EPAS1: variants seen among roughly 807,000 people sequenced by gnomAD.
The protein encoded by EPAS1 is endothelial PAS domain protein 1, also known as endothelial PAS domain-containing protein 1.
A neutral mutation model predicts 87.9 loss-of-function variants in EPAS1; 23 were observed. The ratio of observed to expected loss-of-function variants is 0.26; its 90% confidence interval spans 0.19 to 0.37. The LOEUF is 0.37. EPAS1 is among the 10% of genes least tolerant of loss of function. The pLI is 1.00. For synonymous variants in EPAS1, 508 were observed against 444.3 expected, an observed-to-expected ratio of 1.14 and a Z score of -1.80; for missense variants, 1,138 against 1,120.7, an observed-to-expected ratio of 1.02 and a Z score of -0.22.
At chr2:46,381,405 T>C (rs1572649860) in intron 12 of EPAS1, 191 bp from the exon 13 acceptor site, 1 of 833,098 alleles carries the variant, frequency 1.2e-6, no homozygotes, top group Non-Finnish European at 1.9e-6. Context: ...TTCAGCATCT[T>C]ATAGCTGAGG....
chr2:46,381,612 G>T lies in EPAS1; in HGVS notation c.2062G>T (p.Gly688Trp). 3.1e-6 allele frequency: 5 copies of T among 1,613,984 alleles called. No individual in the cohort carries two copies. The highest frequency in any genetic ancestry group is 4.2e-6 in the Non-Finnish European group (5 of 1,180,024). ...GCTTGGCAGGTCTGCAAAGGGTTTT[G>T]GGGCTCGAGGCCCAGACGTGCTGAG... ...TFKTRSAKGFGARGPDVLSPA... is the reference protein window; with the variant it reads ...TFKTRSAKGFWARGPDVLSPA... The change falls in exon 13 of 16, where the codon GGG (glycine) becomes TGG (tryptophan). Residue 688 changes from glycine (G) to tryptophan (W), a missense_variant. By Grantham distance (184) the Gly-to-Trp change is radical (BLOSUM62 -2). This residue lies in a region of EPAS1 where 502 missense variants were observed against 427.1 expected (regional missense o/e 1.18). Coordinates refer to ENST00000263734, the MANE Select transcript of EPAS1 (RefSeq NM_001430.5).
In EPAS1 at chr2:46,371,093, C is replaced by A. The variant is rs551998770; in HGVS notation, c.886+1160C>A. 6.6e-6 allele frequency among the ~76,000 whole-genome samples: 1 copy of A among 152,130 alleles called. No individual in the cohort carries two copies. The highest frequency in any genetic ancestry group is 2.4e-5 in the African/African-American group (1 of 41,416). ...GTATTTGGAAAAGAATGCTTCAAAA[C>A]GAGTGCCCACAGTGGTGCAGACAGT... is the stretch of plus-strand genomic sequence containing the variant. On this transcript the variant is annotated intron_variant, in intron 7 of 15. Transcript: ENST00000263734. This position sits in a 1 kb window ranked among gnomAD's most constrained non-coding sequence, Gnocchi z 4.3.
chr2:46,368,714 A>G (rs986995231), intron 6 of EPAS1, among the ~76,000 whole-genome samples: 3 of 152,158 alleles, frequency 2.0e-5, no homozygotes, highest in African/African-American at 7.2e-5. Flanking sequence ...TGTATCCAGG[A>G]GTCATGCCTT....
At chr2:46,337,536 C>T (rs1257828612) in intron 1 of EPAS1, among the ~76,000 whole-genome samples, 1 of 152,150 alleles carries the variant, frequency 6.6e-6, no homozygotes, top group East Asian at 1.9e-4. Flanking sequence ...CATCTCAGGC[C>T]TTTTCTTCTT....
chr2:46,344,171 T>C (rs2346175), intron 1 of EPAS1, among the ~76,000 whole-genome samples: 96,644 of 152,168 alleles, frequency 0.64, 32,501 homozygotes, highest in East Asian at 0.94. Flanking sequence ...ATGAAAGGTT[T>C]TTGATAGAGC....
intron 1 of EPAS1, among the ~76,000 whole-genome samples, chr2:46,334,765 G>A (rs951794625): frequency 6.6e-6 from 1 of 152,226 alleles, no homozygotes; most frequent in Non-Finnish European, 1.5e-5. Flanking sequence ...TTCCCAAATT[G>A]CTCAATGTTA....
At chr2:46,314,159 C>T (rs1014007659) in intron 1 of EPAS1, among the ~76,000 whole-genome samples, 4 of 152,154 alleles carry the variant, frequency 2.6e-5, no homozygotes, top group African/African-American at 4.8e-5. Context: ...CCTTATTTTT[C>T]TGTCGTGGTG....
At chr2:46,374,711 C>T (rs1684700825) in intron 7 of EPAS1, among the ~76,000 whole-genome samples, 1 of 152,168 alleles carries the variant, frequency 6.6e-6, no homozygotes, top group African/African-American at 2.4e-5. Flanking sequence ...AAGGAATGGG[C>T]AGTTCAGAAA....
chr2:46,374,135 T>G (rs1347451308), intron 7 of EPAS1, among the ~76,000 whole-genome samples: 1 of 152,178 alleles, frequency 6.6e-6, no homozygotes, highest in Non-Finnish European at 1.5e-5. Context: ...GCTTGTTAAA[T>G]TGTGAAGAAG....
chr2:46,336,370 A>G (rs1683795043), intron 1 of EPAS1, among the ~76,000 whole-genome samples: 1 of 152,098 alleles, frequency 6.6e-6, no homozygotes, highest in Non-Finnish European at 1.5e-5. Context: ...GAGGCCTTTA[A>G]TAAGGGCCTA....
intron 1 of EPAS1, among the ~76,000 whole-genome samples, chr2:46,342,232 C>G (rs899520991): frequency 3.9e-5 from 6 of 152,212 alleles, no homozygotes; most frequent in African/African-American, 1.4e-4. Context: ...AGTATGGGGA[C>G]CAGTGACTCT....
Position 46,378,100 on chromosome 2 carries a change from C to T in EPAS1, c.1443+13C>T. ...CAGCTGCTCCACGGTGAGCAGCCCT[C>T]TTATGGCGAGGACACAGAGAGGGCT... On this transcript the variant is annotated intron_variant, in intron 10 of 15. Transcript: ENST00000263734. 1.3e-6 allele frequency: 2 copies of T among 1,589,602 alleles called. No homozygotes were observed. Among genetic ancestry groups the T allele is most frequent in the Non-Finnish European group, 1.7e-6 (2 of 1,169,308 alleles).
intron 14 of EPAS1, 132 bp from the exon 15 acceptor site, chr2:46,382,293 A>AG: frequency 8.1e-7 from 1 of 1,242,152 alleles, no homozygotes. Flanking sequence ...ATGCCATCAG[A>AG]GGGTCCTGAA....
At chr2:46,336,571 G>T (rs1172542952) in intron 1 of EPAS1, among the ~76,000 whole-genome samples, 1 of 152,184 alleles carries the variant, frequency 6.6e-6, no homozygotes, top group African/African-American at 2.4e-5. Flanking sequence ...ATCCCATAAA[G>T]AAAGCTACAA....
intron 1 of EPAS1, among the ~76,000 whole-genome samples, chr2:46,299,203 C>A (rs1355969911): frequency 6.6e-6 from 1 of 152,250 alleles, no homozygotes; most frequent in Non-Finnish European, 1.5e-5. Flanking sequence ...TCGAAAGCAG[C>A]GGTTCCCACC....
Position 46,356,210 on chromosome 2 carries a change from A to G in EPAS1, c.277A>G (p.Lys93Glu). Residue 93 changes from lysine (K) to glutamate (E), a missense_variant, in exon 3 of 16, where the codon AAA becomes GAA. Transcript: ENST00000263734. Reference protein sequence around the residue: ...ADQQMDNLYLKALEGFIAVVT... With the variant: ...ADQQMDNLYLEALEGFIAVVT... ...CCAGCAGATGGACAACTTGTACCTG[A>G]AAGCCTTGGAGGGTTTCATTGCCGT... The G allele has an allele frequency of 6.2e-7, 1 of 1,608,818 alleles. No homozygotes were observed. Among genetic ancestry groups the G allele is most frequent in the Non-Finnish European group, 8.5e-7 (1 of 1,177,908 alleles).
At chr2:46,362,977 A>AGTGGTGGTGGTGGTGGTGGTGGTG (rs75642579) in intron 6 of EPAS1, among the ~76,000 whole-genome samples, 8 of 104,374 alleles carry the variant, frequency 7.7e-5, no homozygotes, top group Admixed American at 2.0e-4. Context: ...TGGTGGTGGT[A>AGTGGTGGTGGTGGTGGTGGTGGTG]GTGGTGGTGG....
intron 15 of EPAS1, among the ~76,000 whole-genome samples, chr2:46,384,060 G>T (rs1312999876): frequency 6.6e-6 from 1 of 152,226 alleles, no homozygotes; most frequent in East Asian, 1.9e-4. Flanking sequence ...ACAGAGGCAA[G>T]AAGAAAGGAC....
At chr2:46,349,100 G>C (rs1684091951) in intron 2 of EPAS1, among the ~76,000 whole-genome samples, 1 of 152,166 alleles carries the variant, frequency 6.6e-6, no homozygotes. Context: ...TGTAAACCTG[G>C]TCAGGCAAAG....
Sources: allele counts gnomAD v4.1 joint callset (sites outside exome capture counted in the v4.1 genomes callset), GRCh38; gene constraint gnomAD v4.1.1; regional missense constraint gnomAD v4.1.1; non-coding constraint Gnocchi (gnomAD v3.1); transcripts MANE v1.5; gene names NCBI Gene and HGNC (gene_info 2026-07-23, HGNC 2026-07-21).